The following KAZN variants were observed in gnomAD, a reference collection of about 807,000 sequenced individuals.
KAZN encodes kazrin.
KAZN carries 40 observed loss-of-function variants against 87.4 expected under a neutral mutation model. That is an observed-to-expected ratio of 0.46 (90% CI 0.36 to 0.60). The LOEUF (loss-of-function observed/expected upper bound fraction) is 0.60, where lower values mean the gene tolerates loss of function less well. KAZN is among the 20% of genes least tolerant of loss of function. The pLI is 0.00. For synonymous variants in KAZN, 466 were observed against 458.3 expected (o/e 1.02, Z -0.22); for missense variants, 898 against 1,073.9 (o/e 0.84, Z 2.29).
intron 2 of KAZN, among the ~76,000 whole-genome samples, chr1:14,305,189 C>T (rs1466064029): frequency 5.9e-5 from 9 of 152,076 alleles, no homozygotes; most frequent in Admixed American, 3.9e-4. Flanking sequence ...AGACTGCCAT[C>T]GTCTCTCCCA....
At chr1:13,968,015 C>T (rs1003143049) in intron 1 of KAZN, among the ~76,000 whole-genome samples, 2 of 152,166 alleles carry the variant, frequency 1.3e-5, no homozygotes, top group Admixed American at 1.3e-4. Context: ...TCTCTAGGGG[C>T]CTCCTCCTGT....
At position 14,773,325 on chromosome 1, in the gene KAZN, A is replaced by G. The variant is rs1022308370; in HGVS notation, c.226+174102A>G. ...CTGGCGTATGAGAAGACCACCCCCC[A>G]CCCAATCCACCTCCCACCTCACCTG... is the stretch of plus-strand genomic sequence containing the variant. On this transcript the variant is annotated intron_variant, in intron 1 of 14. Coordinates refer to ENST00000376030, the MANE Select transcript of KAZN (RefSeq NM_201628.3). The surrounding 1 kb of genome is among the most constrained non-coding windows in gnomAD (Gnocchi z 5.9). Among the ~76,000 whole-genome samples the G allele has an allele frequency of 6.6e-5, 10 of 152,080 alleles. No individual in the cohort carries two copies. The highest frequency in any genetic ancestry group is 1.7e-4 in the African/African-American group (7 of 41,502).
intron 2 of KAZN, among the ~76,000 whole-genome samples, chr1:14,386,934 G>T (rs559769103): frequency 3.9e-5 from 6 of 152,088 alleles, no homozygotes; most frequent in African/African-American, 1.2e-4. Flanking sequence ...CATTCTCCCC[G>T]TCACTTTCAG....
chr1:14,757,921 G>A (rs1644614256), intron 1 of KAZN, among the ~76,000 whole-genome samples: 1 of 152,128 alleles, frequency 6.6e-6, no homozygotes, highest in Admixed American at 6.6e-5. Flanking sequence ...AAGAGAGAGG[G>A]AGGAATACGT....
intron 2 of KAZN, among the ~76,000 whole-genome samples, chr1:14,593,335 A>G (rs139827415): frequency 0.011 from 1,629 of 152,342 alleles, 30 homozygotes; most frequent in African/African-American, 0.037. Flanking sequence ...AGAAGCATCT[A>G]TCACACCAGA....
At chr1:13,974,955 A>G (rs1303374192) in intron 1 of KAZN, among the ~76,000 whole-genome samples, 3 of 152,202 alleles carry the variant, frequency 2.0e-5, no homozygotes, top group Admixed American at 6.5e-5. Context: ...ATTTGCTATC[A>G]GATGATCTAT....
intron 1 of KAZN, among the ~76,000 whole-genome samples, chr1:14,682,773 C>T (rs945409166): frequency 3.3e-5 from 5 of 152,188 alleles, no homozygotes; most frequent in African/African-American, 1.2e-4. Flanking sequence ...TGTTAATGCT[C>T]ATGACACTCT....
intron 1 of KAZN, among the ~76,000 whole-genome samples, chr1:14,038,337 G>C (rs1266271198): frequency 6.6e-6 from 1 of 152,142 alleles, no homozygotes; most frequent in Non-Finnish European, 1.5e-5. Flanking sequence ...GGGATGATTC[G>C]GAGAGTGAAG....
chr1:14,444,638 G>T (rs1469042275), intron 2 of KAZN, among the ~76,000 whole-genome samples: 1 of 152,038 alleles, frequency 6.6e-6, no homozygotes, highest in Non-Finnish European at 1.5e-5. Context: ...CTCTATTGGT[G>T]CTCGCTTCAA....
intron 1 of KAZN, among the ~76,000 whole-genome samples, chr1:14,681,454 A>G (rs1404675182): frequency 1.3e-5 from 2 of 151,412 alleles, no homozygotes; most frequent in Non-Finnish European, 1.5e-5. Context: ...GACATTTCAG[A>G]AACTCTGGAC....
intron 2 of KAZN, among the ~76,000 whole-genome samples, chr1:14,532,624 CCCA>C (rs1290549886): frequency 9.4e-6 from 1 of 106,554 alleles, no homozygotes; most frequent in African/African-American, 3.8e-5. Context: ...CCCCCCTCCC[CCCA>C]CCCCACAACA....
intron 1 of KAZN, among the ~76,000 whole-genome samples, chr1:14,605,881 G>A (rs1677318527): frequency 6.6e-6 from 1 of 152,206 alleles, no homozygotes; most frequent in South Asian, 2.1e-4. Flanking sequence ...TGACTACAAT[G>A]GGGATGATAG....
chr1:14,848,133 C>T (rs548388316), intron 1 of KAZN, among the ~76,000 whole-genome samples: 3 of 152,144 alleles, frequency 2.0e-5, no homozygotes, highest in African/African-American at 7.2e-5. Flanking sequence ...TTCCTTGCTC[C>T]CTCTTGCAGC....
intron 1 of KAZN, among the ~76,000 whole-genome samples, chr1:14,131,732 A>G (rs1644996636): frequency 6.6e-6 from 1 of 152,128 alleles, no homozygotes; most frequent in Non-Finnish European, 1.5e-5. Context: ...AACTTTCAAG[A>G]TTCCAGGTAA....
At chr1:14,762,405 G>A (rs1644763517) in intron 1 of KAZN, among the ~76,000 whole-genome samples, 1 of 152,096 alleles carries the variant, frequency 6.6e-6, no homozygotes, top group Non-Finnish European at 1.5e-5. Context: ...AGCAGGTGGT[G>A]GGACCTTCCT....
chr1:14,687,753 G>C (rs564464645), intron 1 of KAZN, among the ~76,000 whole-genome samples: 1 of 152,192 alleles, frequency 6.6e-6, no homozygotes, highest in Non-Finnish European at 1.5e-5. Flanking sequence ...ATGATTTATC[G>C]GGGCAATAAT....
chr1:13,945,679 T>TGTGTGTGTGTG (rs1553177121), intron 1 of KAZN, among the ~76,000 whole-genome samples: 13 of 123,356 alleles, frequency 1.1e-4, no homozygotes, highest in African/African-American at 4.3e-4. Flanking sequence ...TGCTCTCAGT[T>TGTGTGTGTGTG]TGTGTGTGTG....
chr1:13,923,403 C>G (rs1418042964), intron 1 of KAZN, among the ~76,000 whole-genome samples: 2 of 151,780 alleles, frequency 1.3e-5, no homozygotes, highest in Admixed American at 6.6e-5. Flanking sequence ...GAAACCCCGT[C>G]TCTACTAAAA....
At chr1:14,817,623 A>C (rs758626945) in intron 1 of KAZN, among the ~76,000 whole-genome samples, 1 of 152,212 alleles carries the variant, frequency 6.6e-6, no homozygotes, top group Non-Finnish European at 1.5e-5. Flanking sequence ...TTCTCTCTGC[A>C]TATGGTAGAA....
Sources: gnomAD v4.1 joint callset for allele counts (sites outside exome capture counted in the v4.1 genomes callset) on GRCh38, gnomAD v4.1.1 for gene constraint, Gnocchi (gnomAD v3.1) non-coding constraint, MANE v1.5 for transcripts, NCBI Gene and HGNC (gene_info 2026-07-23, HGNC 2026-07-21) for gene names.